TMEM266: variants seen among roughly 807,000 people sequenced by gnomAD.
TMEM266 encodes transmembrane protein 266.
In TMEM266, 33 loss-of-function variants were observed where a neutral mutation model predicts 50.5. That is an observed-to-expected ratio of 0.65 (90% CI 0.50 to 0.87). The LOEUF (loss-of-function observed/expected upper bound fraction) is 0.87, where lower values mean the gene tolerates loss of function less well. Among genes scored for constraint, TMEM266 ranks in the 40% least tolerant of loss-of-function variants. The pLI is 0.00. For missense variants in TMEM266, 655 were observed against 695.1 expected, an observed-to-expected ratio of 0.94 and a Z score of 0.65; for synonymous variants, 310 against 292.3, an observed-to-expected ratio of 1.06 and a Z score of -0.62.
intron 4 of TMEM266, among the ~76,000 whole-genome samples, chr15:76,157,719 G>A (rs1244820562): frequency 6.6e-6 from 1 of 152,232 alleles, no homozygotes; most frequent in Non-Finnish European, 1.5e-5. Context: ...GCCAGGTGTG[G>A]TGGCACATGC....
At chr15:76,179,433 G>A (rs563963542) in intron 8 of TMEM266, among the ~76,000 whole-genome samples, 40 of 152,278 alleles carry the variant, frequency 2.6e-4, no homozygotes, top group African/African-American at 8.7e-4. Context: ...AGCTCGCCTT[G>A]GGGGCACACA....
At chr15:76,192,654 G>A (rs926497333) in intron 9 of TMEM266, among the ~76,000 whole-genome samples, 1 of 152,196 alleles carries the variant, frequency 6.6e-6, no homozygotes, top group African/African-American at 2.4e-5. Context: ...CCTTGCAGAC[G>A]GTGAGAATTC....
At chr15:76,061,899 G>C (rs1596076396) in intron 1 of TMEM266, among the ~76,000 whole-genome samples, 1 of 152,178 alleles carries the variant, frequency 6.6e-6, no homozygotes, top group Non-Finnish European at 1.5e-5. Flanking sequence ...TTGCCTGTGA[G>C]TGCCTTAATG....
intron 1 of TMEM266, among the ~76,000 whole-genome samples, chr15:76,122,814 G>A (rs949234509): frequency 1.3e-5 from 2 of 152,184 alleles, no homozygotes; most frequent in Non-Finnish European, 2.9e-5. Context: ...AGCTAGGGGC[G>A]AGGAGCAAGT....
chr15:76,105,203 G>A lies in TMEM266; in HGVS notation c.-96-28965G>A, dbSNP rs533641885. 3.2e-3 allele frequency among the ~76,000 whole-genome samples: 482 copies of A among 151,930 alleles called. 5 individuals are homozygous for A. Among genetic ancestry groups the A allele is most frequent in the African/African-American group, 0.011 (451 of 41,416 alleles). On this transcript the variant is annotated intron_variant, in intron 1 of 10. Transcript: ENST00000388942. ...GAAGGTTGCAGTAAGCAGAGATCGC[G>A]CCACTGTACTCCAGCCTGAGTGACA...
intron 8 of TMEM266, chr15:76,191,696 T>G: frequency 2.5e-6 from 1 of 405,746 alleles, no homozygotes. Context: ...GGAAACACGT[T>G]GTGTTTCCTC....
chr15:76,144,564 C>T (rs997430597), intron 3 of TMEM266, among the ~76,000 whole-genome samples: 11 of 152,226 alleles, frequency 7.2e-5, no homozygotes, highest in African/African-American at 2.7e-4. Flanking sequence ...AAGCCTGTAC[C>T]ATGCTGTCAG....
At chr15:76,171,784 G>T (rs1026385336) in intron 7 of TMEM266, among the ~76,000 whole-genome samples, 1 of 152,138 alleles carries the variant, frequency 6.6e-6, no homozygotes, top group Non-Finnish European at 1.5e-5. Flanking sequence ...CACCCCACTG[G>T]GCCACTCTTG....
rs538854491 is a variant in TMEM266 at position 76,153,349 on chromosome 15, G to A, written c.228-3255G>A. Among the ~76,000 whole-genome samples, 120 of 152,274 alleles carry A rather than the reference G, an allele frequency of 7.9e-4. No homozygotes were observed. The highest frequency in any genetic ancestry group is 2.5e-3 in the African/African-American group (102 of 41,544). ...AGTGTCTTAGGGATGTCCAAGGCAC[G>A]AAGGTGAACAAATGCCCGGCACCTT... On this transcript the variant is annotated intron_variant, in intron 3 of 10. Transcript: ENST00000388942. This position sits in a 1 kb window ranked among gnomAD's most constrained non-coding sequence, Gnocchi z 4.2.
At chr15:76,086,932 G>A (rs1425104683) in intron 1 of TMEM266, among the ~76,000 whole-genome samples, 2 of 146,634 alleles carry the variant, frequency 1.4e-5, no homozygotes, top group African/African-American at 5.3e-5. Flanking sequence ...GCAGGTCGGG[G>A]GGGGGGCGGT....
At chr15:76,176,832 C>T (rs556337128) in intron 8 of TMEM266, among the ~76,000 whole-genome samples, 115 of 152,328 alleles carry the variant, frequency 7.5e-4, no homozygotes, top group African/African-American at 2.6e-3. Flanking sequence ...CCAAGGTGGC[C>T]TCAGGGTTGA....
intron 9 of TMEM266, among the ~76,000 whole-genome samples, chr15:76,197,307 G>A (rs1054475303): frequency 4.6e-5 from 7 of 152,198 alleles, no homozygotes; most frequent in Non-Finnish European, 8.8e-5. Flanking sequence ...TGAAGCAACC[G>A]GAGGGACATG....
Position 76,146,169 on chromosome 15 carries a change from A to G in TMEM266, c.227+8274A>G, listed in dbSNP as rs1033700575. On this transcript the variant is annotated intron_variant, in intron 3 of 10. Coordinates refer to ENST00000388942, the MANE Select transcript of TMEM266 (RefSeq NM_152335.3). ...TCAGAGAGACCAGAGTCTGCACCCT[A>G]GAGAGGCCCACAGACCCGTAGGAGA... is the stretch of plus-strand genomic sequence containing the variant. Among the ~76,000 whole-genome samples the G allele has an allele frequency of 8.5e-5, 13 of 152,284 alleles. No homozygotes were observed. In the South Asian group the frequency reaches 1.0e-3, roughly 12 times the overall value.
At chr15:76,192,827 G>C (rs1301169669) in intron 9 of TMEM266, among the ~76,000 whole-genome samples, 1 of 152,242 alleles carries the variant, frequency 6.6e-6, no homozygotes, top group Non-Finnish European at 1.5e-5. Flanking sequence ...TCAAGTAGGA[G>C]CAGTACTGAG....
chr15:76,133,296 C>T (rs754037198), intron 1 of TMEM266, among the ~76,000 whole-genome samples: 4 of 151,904 alleles, frequency 2.6e-5, no homozygotes, highest in South Asian at 2.1e-4. Context: ...ATTAGCTGGA[C>T]GTGGTGGTGC....
At chr15:76,127,450 C>A (rs1429066887) in intron 1 of TMEM266, among the ~76,000 whole-genome samples, 1 of 151,978 alleles carries the variant, frequency 6.6e-6, no homozygotes, top group Non-Finnish European at 1.5e-5. Context: ...CTTGAACCTC[C>A]AGAGCAGCTG....
intron 8 of TMEM266, among the ~76,000 whole-genome samples, chr15:76,185,508 T>C (rs1430406224): frequency 6.6e-6 from 1 of 152,260 alleles, no homozygotes; most frequent in Non-Finnish European, 1.5e-5. Flanking sequence ...GCTGAAACAC[T>C]ACGCTCATTT....
intron 1 of TMEM266, among the ~76,000 whole-genome samples, chr15:76,077,025 C>G (rs181015597): frequency 4.6e-5 from 7 of 151,946 alleles, no homozygotes; most frequent in African/African-American, 1.2e-4. Flanking sequence ...AGTGCAGTGG[C>G]ACAATCTTGG....
At chr15:76,196,274 A>T (rs1596171211) in intron 9 of TMEM266, among the ~76,000 whole-genome samples, 1 of 151,952 alleles carries the variant, frequency 6.6e-6, no homozygotes, top group Admixed American at 6.6e-5. Flanking sequence ...TCTCCTGGGT[A>T]CCTCCCGGCT....
Sources: allele counts gnomAD v4.1 joint callset (sites outside exome capture counted in the v4.1 genomes callset), GRCh38; gene constraint gnomAD v4.1.1; non-coding constraint Gnocchi (gnomAD v3.1); transcripts MANE v1.5; gene names NCBI Gene and HGNC (gene_info 2026-07-23, HGNC 2026-07-21).